PLXNA4: variants seen among roughly 807,000 people sequenced by gnomAD.
PLXNA4 encodes the protein plexin A4, also known as plexin-A4.
In PLXNA4, 44 loss-of-function variants were observed where a neutral mutation model predicts 191.8. The observed-to-expected ratio is 0.23, with a 90% CI of 0.18 to 0.29. PLXNA4 has a LOEUF of 0.29. PLXNA4 is among the 10% of genes least tolerant of loss of function. The probability of loss-of-function intolerance (pLI) is 1.00; values close to 1 mark genes in which losing one functional copy is unlikely to be tolerated. For synonymous variants in PLXNA4, 1,082 were observed against 1,009.5 expected (o/e 1.07, Z -1.36); for missense variants, 1,800 against 2,488.8 (o/e 0.72, Z 5.89).
chr7:132,194,028 G>A (rs999640259), intron 14 of PLXNA4, 34 bp downstream of exon 14: 4 of 1,598,502 alleles, frequency 2.5e-6, no homozygotes, highest in African/African-American at 1.3e-5. Context: ...TCTGTGGCCT[G>A]CACCCAGCCA....
chr7:132,460,130 G>C (rs1348631692), intron 3 of PLXNA4, among the ~76,000 whole-genome samples: 2 of 152,152 alleles, frequency 1.3e-5, no homozygotes, highest in Non-Finnish European at 2.9e-5. Context: ...GAGTTGAGGG[G>C]ATCGCTTGAG....
At chr7:132,548,649 C>T (rs2116553710) in intron 1 of PLXNA4, among the ~76,000 whole-genome samples, 1 of 152,316 alleles carries the variant, frequency 6.6e-6, no homozygotes, top group Admixed American at 6.5e-5. Context: ...TCCTAGTTTG[C>T]AGAGTAAAAT....
intron 3 of PLXNA4, among the ~76,000 whole-genome samples, chr7:132,421,769 G>C (rs1479768088): frequency 6.6e-6 from 1 of 152,070 alleles, no homozygotes; most frequent in Non-Finnish European, 1.5e-5. Flanking sequence ...TCTGGTCCTA[G>C]TATCCCAAAT....
chr7:132,227,876 G>A (rs1798383468), intron 6 of PLXNA4, among the ~76,000 whole-genome samples: 1 of 152,176 alleles, frequency 6.6e-6, no homozygotes, highest in Non-Finnish European at 1.5e-5. Flanking sequence ...GATTTGCGTG[G>A]TGCCATTTTG....
At chr7:132,552,466 G>T (rs1800605860) in intron 1 of PLXNA4, among the ~76,000 whole-genome samples, 2 of 152,208 alleles carry the variant, frequency 1.3e-5, no homozygotes, top group Admixed American at 1.3e-4. Flanking sequence ...GCTAGGCACT[G>T]GGAAATGAAG....
chr7:132,271,429 AG>A (rs1173851195), intron 4 of PLXNA4, among the ~76,000 whole-genome samples: 1 of 78,920 alleles, frequency 1.3e-5, no homozygotes, highest in East Asian at 3.0e-4. Flanking sequence ...TTAGTCACTT[AG>A]GAAAAAAAAA....
chr7:132,596,711 A>C (rs924374), intron 2 of PLXNA4, among the ~76,000 whole-genome samples: 149,831 of 152,126 alleles, frequency 0.98, 73,830 homozygotes, highest in East Asian at 1. Context: ...AGCTCATTTT[A>C]GGGGTAGGAA....
upstream of PLXNA4, among the ~76,000 whole-genome samples, chr7:132,579,721 C>T (rs372236736): frequency 6.6e-6 from 1 of 152,090 alleles, no homozygotes; most frequent in Non-Finnish European, 1.5e-5. Flanking sequence ...AGGGGCCCAG[C>T]GAGCTCTCCC....
intron 4 of PLXNA4, among the ~76,000 whole-genome samples, chr7:132,265,612 CCTTCCTAGGTAT>C (rs1417521292): frequency 6.6e-6 from 1 of 152,188 alleles, no homozygotes; most frequent in Non-Finnish European, 1.5e-5. Flanking sequence ...TCAGTGGGGT[CCTTCCTAGGTAT>C]TTATGAATCC....
In PLXNA4 at chr7:132,507,490, C is replaced by T; in HGVS notation, c.1188+16G>A. On this transcript the variant is annotated intron_variant, in intron 2 of 31. Transcript: ENST00000321063. ...CACTCCCAACCATCCCAGCGCGCAG[C>T]CCTCCCTGTACTCACCGCACTGCTG... 1.3e-6 allele frequency: 2 copies of T among 1,590,932 alleles called. No individual in the cohort carries two copies. Among genetic ancestry groups the T allele is most frequent in the South Asian group, 1.1e-5 (1 of 87,254 alleles).
Position 132,507,956 on chromosome 7 carries a change from A to G in PLXNA4, c.738T>C (p.Tyr246=). Residue 246 remains tyrosine, a synonymous_variant, in exon 2 of 32, where the codon TAT becomes TAC. Transcript: ENST00000321063. ...IIPDFDIYYV[Y]GFSSGNFVYF... is the part of the protein sequence containing the mutation. ...AGACAAAGTTGCCACTGCTAAAACC[A>G]TAGACATAGTAGATATCAAAGTCAG... 3 of 1,614,170 alleles carry G rather than the reference A, an allele frequency of 1.9e-6. No individual in the cohort carries two copies. The highest frequency in any genetic ancestry group is 8.5e-7 in the Non-Finnish European group (1 of 1,180,048).
chr7:132,538,501 A>G (rs1323999078), intron 1 of PLXNA4, among the ~76,000 whole-genome samples: 1 of 152,250 alleles, frequency 6.6e-6, no homozygotes, highest in East Asian at 1.9e-4. Context: ...GTTGGGGGCT[A>G]TACCTAAGGC....
intron 3 of PLXNA4, among the ~76,000 whole-genome samples, chr7:132,342,749 C>T (rs775935810): frequency 1.3e-5 from 2 of 152,018 alleles, no homozygotes; most frequent in Non-Finnish European, 2.9e-5. Context: ...GAGTTCGAGA[C>T]CAACCTGGCC....
intron 3 of PLXNA4, among the ~76,000 whole-genome samples, chr7:132,411,334 T>G (rs1395964318): frequency 6.6e-6 from 1 of 152,192 alleles, no homozygotes; most frequent in African/African-American, 2.4e-5. Flanking sequence ...TCGCCACCTG[T>G]TCGGGCTTCA....
chr7:132,521,702 A>T (rs925296808), intron 1 of PLXNA4, among the ~76,000 whole-genome samples: 1 of 152,140 alleles, frequency 6.6e-6, no homozygotes, highest in African/African-American at 2.4e-5. Context: ...CTTCCTCCCC[A>T]ACTTCACAAA....
At chr7:132,176,837 T>C (rs1472333034) in intron 20 of PLXNA4, among the ~76,000 whole-genome samples, 5 of 151,956 alleles carry the variant, frequency 3.3e-5, no homozygotes, top group Admixed American at 2.0e-4. Context: ...CAAGTACGAA[T>C]GTGAGTGCAT....
intron 3 of PLXNA4, among the ~76,000 whole-genome samples, chr7:132,388,030 C>T (rs998767835): frequency 2.6e-5 from 4 of 152,102 alleles, no homozygotes; most frequent in Non-Finnish European, 2.9e-5. Context: ...CAATTCCCAC[C>T]GACCAGCAGC....
chr7:132,591,753 A>G (rs568992372), intron 2 of PLXNA4, among the ~76,000 whole-genome samples: 5 of 152,280 alleles, frequency 3.3e-5, no homozygotes, highest in Non-Finnish European at 5.9e-5. Context: ...TTTCAGATGC[A>G]TTAGTGTTGC....
At chr7:132,232,886 C>T (rs917759417) in intron 5 of PLXNA4, among the ~76,000 whole-genome samples, 7 of 152,182 alleles carry the variant, frequency 4.6e-5, no homozygotes, top group African/African-American at 1.7e-4. Flanking sequence ...ACAGGGCTAT[C>T]TGTGAGTCCA....
Sources: gnomAD v4.1 joint callset for allele counts (sites outside exome capture counted in the v4.1 genomes callset) on GRCh38, gnomAD v4.1.1 for gene constraint, MANE v1.5 for transcripts, NCBI Gene and HGNC (gene_info 2026-07-23, HGNC 2026-07-21) for gene names.